The following SCN3A variants were observed in gnomAD, a reference collection of about 807,000 sequenced individuals.
The protein encoded by SCN3A is sodium voltage-gated channel alpha subunit 3.
A neutral mutation model predicts 187.6 loss-of-function variants in SCN3A; 60 were observed. The observed-to-expected ratio is 0.32, with a 90% confidence interval of 0.26 to 0.40. The LOEUF (loss-of-function observed/expected upper bound fraction) is 0.40, where lower values mean the gene tolerates loss of function less well. Ranked by LOEUF, SCN3A falls within the 10% of genes least tolerant of loss-of-function variation. The pLI is 1.00. For synonymous variants in SCN3A, 788 were observed against 829.2 expected, an observed-to-expected ratio of 0.95 and a Z score of 0.85; for missense variants, 1,601 against 2,428.2, an observed-to-expected ratio of 0.66 and a Z score of 7.16.
chr2:165,187,303 G>A (rs1448739401), intron 1 of SCN3A, among the ~76,000 whole-genome samples: 1 of 152,176 alleles, frequency 6.6e-6, no homozygotes, highest in Non-Finnish European at 1.5e-5. Flanking sequence ...TAAAAAGCCA[G>A]CATGCTAAAT....
chr2:165,142,492 A>T (rs1487981205), intron 12 of SCN3A, among the ~76,000 whole-genome samples: 1 of 152,170 alleles, frequency 6.6e-6, no homozygotes, highest in Admixed American at 6.6e-5. Flanking sequence ...CACAGGAACT[A>T]TTGGCTGTCC....
rs776643996 is a variant in SCN3A at position 165,176,112 on chromosome 2, G to A, written c.264+19C>T. ...GAGTTTCATTAAAGATTTATTAGAA[G>A]TCTAAAATCAATACTCACTTTCTTA... On this transcript the variant is annotated intron_variant, in intron 3 of 27. Coordinates refer to ENST00000283254, the MANE Select transcript of SCN3A (RefSeq NM_006922.4). 2 of 1,609,044 alleles carry A rather than the reference G, an allele frequency of 1.2e-6. No homozygotes were observed. Among genetic ancestry groups the A allele is most frequent in the Non-Finnish European group, 8.5e-7 (1 of 1,176,234 alleles).
At chr2:165,093,669 C>T (rs993815120) in intron 26 of SCN3A, 2 of 152,194 alleles carry the variant, frequency 1.3e-5, no homozygotes, top group African/African-American at 2.4e-5. Flanking sequence ...CACATTCCAG[C>T]TCCAACTACT....
intron 9 of SCN3A, among the ~76,000 whole-genome samples, chr2:165,156,461 C>T (rs1316349899): frequency 3.2e-5 from 4 of 126,336 alleles, no homozygotes; most frequent in African/African-American, 6.1e-5. Flanking sequence ...TGCAGTGAGC[C>T]GATATTGTGC....
chr2:165,089,964 G>T lies in SCN3A; in HGVS notation c.*186C>A. ...AAAACAGCAACCTCTTGTCAATGTT[G>T]ATACCCTGCTTCACAGAGTTGCAGT... On this transcript the variant is annotated 3_prime_UTR_variant, in exon 28 of 28. Transcript: ENST00000283254. The T allele has an allele frequency of 1.3e-6, 1 of 758,278 alleles. No individual in the cohort carries two copies. The highest frequency in any genetic ancestry group is 2.1e-6 in the Non-Finnish European group (1 of 483,502). The allele number at this position is 758,278 out of a possible 1,614,324, so 47.0% of individuals were successfully genotyped here. A position where few individuals can be genotyped will look rare whatever the true frequency, so the allele number is the denominator to read the frequency against.
intron 18 of SCN3A, among the ~76,000 whole-genome samples, chr2:165,121,728 A>G (rs1395866842): frequency 6.6e-6 from 1 of 152,140 alleles, no homozygotes; most frequent in Non-Finnish European, 1.5e-5. Flanking sequence ...AACTCTTTAC[A>G]TTTCCTTCAA....
intron 21 of SCN3A, among the ~76,000 whole-genome samples, chr2:165,100,648 G>T (rs191677445): frequency 2.6e-5 from 4 of 151,826 alleles, no homozygotes; most frequent in African/African-American, 7.3e-5. Context: ...TTATCAACAC[G>T]TGTCAATATC....
chr2:165,091,585 C>G (rs1685109167), intron 27 of SCN3A, among the ~76,000 whole-genome samples: 1 of 152,120 alleles, frequency 6.6e-6, no homozygotes, highest in South Asian at 2.1e-4. Flanking sequence ...GGTAGCATGG[C>G]AATTTAAGAT....
At chr2:165,154,349 TA>T in intron 11 of SCN3A, 102 bp downstream of exon 11, 1 of 1,262,500 alleles carries the variant, frequency 7.9e-7, no homozygotes, top group African/African-American at 1.5e-5. Context: ...TGCCTATATA[TA>T]AAATGAAAAA....
chr2:165,151,890 T>C (rs1688704794), intron 11 of SCN3A, among the ~76,000 whole-genome samples: 1 of 152,130 alleles, frequency 6.6e-6, no homozygotes, highest in African/African-American at 2.4e-5. Context: ...GTTCCTACAC[T>C]GGCAAACACT....
intron 1 of SCN3A, among the ~76,000 whole-genome samples, chr2:165,196,124 T>C (rs565815809): frequency 3.9e-5 from 6 of 152,222 alleles, no homozygotes; most frequent in Non-Finnish European, 7.4e-5. Context: ...TTCTTATCAA[T>C]ATCTCATTGG....
chr2:165,090,034 G>C lies in SCN3A; in HGVS notation c.*116C>G, dbSNP rs1476588367. On this transcript the variant is annotated 3_prime_UTR_variant, in exon 28 of 28. Transcript: ENST00000283254. This position sits in a 1 kb window ranked among gnomAD's most constrained non-coding sequence, Gnocchi z 4.0. ...TGTCTTGTATAGGCACTGACTATGAGTATTTGTTAAAACAGTCAGTTTGGC... is the reference window on the plus strand; with the variant it reads ...TGTCTTGTATAGGCACTGACTATGACTATTTGTTAAAACAGTCAGTTTGGC... 2 of 1,439,754 alleles carry C rather than the reference G, an allele frequency of 1.4e-6. No homozygotes were observed. Among genetic ancestry groups the C allele is most frequent in the African/African-American group, 2.8e-5 (2 of 70,552 alleles). 89.2% of individuals were successfully genotyped at this position (1,439,754 alleles called of 1,614,324 possible). A position where few individuals can be genotyped will look rare whatever the true frequency, so the allele number is the denominator to read the frequency against.
intron 22 of SCN3A, among the ~76,000 whole-genome samples, chr2:165,099,267 C>T (rs894774025): frequency 6.6e-6 from 1 of 151,994 alleles, no homozygotes; most frequent in African/African-American, 2.4e-5. Flanking sequence ...TGAATTCTAC[C>T]GAGGGGCATG....
intron 9 of SCN3A, among the ~76,000 whole-genome samples, chr2:165,161,879 C>A (rs1470522014): frequency 6.6e-6 from 1 of 152,196 alleles, no homozygotes; most frequent in African/African-American, 2.4e-5. Flanking sequence ...AGCACTTCCC[C>A]AAGTGTGCTT....
intron 12 of SCN3A, among the ~76,000 whole-genome samples, chr2:165,142,831 A>G (rs894904652): frequency 2.6e-5 from 4 of 151,810 alleles, no homozygotes; most frequent in African/African-American, 7.3e-5. Context: ...GCTCACTGCA[A>G]TCTCCACCTC....
At chr2:165,142,356 T>C (rs193299656) in intron 12 of SCN3A, among the ~76,000 whole-genome samples, 120 of 152,308 alleles carry the variant, frequency 7.9e-4, no homozygotes, top group African/African-American at 2.8e-3. Flanking sequence ...TTTAGCTTTA[T>C]TTTCATGGCT....
chr2:165,170,638 ATTTG>A lies in SCN3A; in HGVS notation c.265-94_265-91del, dbSNP rs368645611. The A allele has an allele frequency of 4.1e-5, 33 of 812,308 alleles. No homozygotes were observed. The East Asian group carries it at 6.3e-4, about 15-fold the overall frequency. The allele number at this position is 812,308 out of a possible 1,614,324, so 50.3% of individuals were successfully genotyped here. A position where few individuals can be genotyped will look rare whatever the true frequency, so the allele number is the denominator to read the frequency against. On this transcript the variant is annotated intron_variant, in intron 3 of 27. Coordinates refer to ENST00000283254, the MANE Select transcript of SCN3A (RefSeq NM_006922.4). ...CATGAAGAACTTTTTAAAAAATAGAATTTGTTTGTTCAAACTTGTTTGTTTAAAC... is the reference window on the plus strand; with the variant it reads ...CATGAAGAACTTTTTAAAAAATAGAATTTGTTCAAACTTGTTTGTTTAAAC...
At chr2:165,159,229 C>G (rs1347232311) in intron 9 of SCN3A, among the ~76,000 whole-genome samples, 1 of 138,320 alleles carries the variant, frequency 7.2e-6, no homozygotes, top group African/African-American at 2.9e-5. Flanking sequence ...TTAATAACCA[C>G]CTGTACTATA....
In SCN3A at chr2:165,090,654, C is replaced by G. The variant is rs775000071; in HGVS notation, c.5499G>C (p.Gln1833His). 12 of 1,613,912 alleles carry G rather than the reference C, an allele frequency of 7.4e-6. No homozygotes were observed. In the East Asian group the frequency reaches 2.2e-4, roughly 30 times the overall value. Residue 1833 changes from glutamine to histidine, a missense_variant, in exon 28 of 28, where the codon CAG becomes CAC. Around this residue, in one of 11 missense-constraint regions of SCN3A, gnomAD observed 110 missense variants for 175.9 expected, o/e 0.63. Transcript: ENST00000283254. This position sits in a 1 kb window ranked among gnomAD's most constrained non-coding sequence, Gnocchi z 4.0. ...CCATGGGCAGATCCATGGCAATAAG[C>G]TGGACTTTGTTGGGTTTTGCTATGA... ...PLLIAKPNKV[Q>H]LIAMDLPMVS... is the part of the protein sequence containing the mutation.
Sources: allele counts gnomAD v4.1 joint callset (sites outside exome capture counted in the v4.1 genomes callset), GRCh38; gene constraint gnomAD v4.1.1; regional missense constraint gnomAD v4.1.1; non-coding constraint Gnocchi (gnomAD v3.1); transcripts MANE v1.5; gene names NCBI Gene and HGNC (gene_info 2026-07-23, HGNC 2026-07-21).